Variants in DYNC1I1 observed in about 807,000 individuals in gnomAD.
DYNC1I1 encodes the protein cytoplasmic dynein 1 intermediate chain 1.
A neutral mutation model predicts 86.6 loss-of-function variants in DYNC1I1; 43 were observed. The ratio of observed to expected loss-of-function variants is 0.50; its 90% CI spans 0.39 to 0.64. The LOEUF (loss-of-function observed/expected upper bound fraction) is 0.64. Among genes scored for constraint, DYNC1I1 ranks in the 30% least tolerant of loss-of-function variants. The pLI is 0.00. For synonymous variants in DYNC1I1, 262 were observed against 283.7 expected, an observed-to-expected ratio of 0.92 and a Z score of 0.77; for missense variants, 604 against 788.8, an observed-to-expected ratio of 0.77 and a Z score of 2.81.
chr7:95,861,767 G>A (rs578134879), intron 5 of DYNC1I1, among the ~76,000 whole-genome samples: 2 of 152,292 alleles, frequency 1.3e-5, no homozygotes, highest in South Asian at 2.1e-4. Context: ...CTTGCTAGTG[G>A]TGGAAGTCAT....
intron 14 of DYNC1I1, among the ~76,000 whole-genome samples, chr7:96,047,421 T>G (rs1789251459): frequency 6.6e-6 from 1 of 152,204 alleles, no homozygotes; most frequent in Non-Finnish European, 1.5e-5. Context: ...GAATGCAATC[T>G]TGGACCTGCT....
chr7:95,843,289 G>A (rs1438172439), intron 5 of DYNC1I1, among the ~76,000 whole-genome samples: 2 of 152,152 alleles, frequency 1.3e-5, no homozygotes, highest in African/African-American at 4.8e-5. Flanking sequence ...CTTTTGTGCA[G>A]ATTTCTTCTC....
chr7:95,793,632 G>C (rs1794365269), intron 1 of DYNC1I1, among the ~76,000 whole-genome samples: 1 of 152,206 alleles, frequency 6.6e-6, no homozygotes, highest in Admixed American at 6.5e-5. Flanking sequence ...GTTGCACACA[G>C]AGTCTAAATG....
chr7:95,837,847 C>T (rs1382047645), intron 5 of DYNC1I1, among the ~76,000 whole-genome samples: 1 of 152,386 alleles, frequency 6.6e-6, no homozygotes, highest in Non-Finnish European at 1.5e-5. Flanking sequence ...TGCGCGCACC[C>T]ACTGACCTGC....
intron 6 of DYNC1I1, among the ~76,000 whole-genome samples, chr7:95,895,922 G>A (rs1790871824): frequency 6.6e-6 from 1 of 152,180 alleles, no homozygotes; most frequent in Non-Finnish European, 1.5e-5. Flanking sequence ...CCCTGATGAT[G>A]GACCCTCAGT....
At chr7:96,016,377 G>T (rs1483698799) in intron 10 of DYNC1I1, among the ~76,000 whole-genome samples, 2 of 150,536 alleles carry the variant, frequency 1.3e-5, no homozygotes, top group Admixed American at 1.3e-4. Flanking sequence ...ATGTGGGCTA[G>T]TCCATGACTC....
chr7:96,054,296 TC>T (rs1789505013), intron 14 of DYNC1I1, among the ~76,000 whole-genome samples: 2 of 152,238 alleles, frequency 1.3e-5, no homozygotes, highest in African/African-American at 2.4e-5. Context: ...TTCATCCATG[TC>T]CCTGCAAAGG....
chr7:96,106,861 T>G (rs1433761686), intron 16 of DYNC1I1, among the ~76,000 whole-genome samples: 1 of 152,236 alleles, frequency 6.6e-6, no homozygotes, highest in Non-Finnish European at 1.5e-5. Flanking sequence ...ACTTGCTAAA[T>G]ATTCCATGCG....
In DYNC1I1 at chr7:95,777,840, A is replaced by G. The variant is rs147868340; in HGVS notation, c.-10+5067A>G. Among the ~76,000 whole-genome samples, 69 of 152,228 alleles carry G rather than the reference A, an allele frequency of 4.5e-4. No individual in the cohort carries two copies. The East Asian group carries it at 0.012, about 27-fold the overall frequency. On this transcript the variant is annotated intron_variant, in intron 1 of 16. Transcript: ENST00000447467. ...TATGCTTTAACTCAGTGCTCTTCCA[A>G]CATTTTTTTTTCTCTTTTATAATCC...
intron 6 of DYNC1I1, among the ~76,000 whole-genome samples, chr7:95,939,125 C>T (rs1427346143): frequency 6.6e-6 from 1 of 152,100 alleles, no homozygotes; most frequent in Non-Finnish European, 1.5e-5. Flanking sequence ...GTTTCTTAAT[C>T]CTGAGTTCTA....
chr7:96,006,945 A>G (rs888609880), intron 10 of DYNC1I1, among the ~76,000 whole-genome samples: 3 of 152,216 alleles, frequency 2.0e-5, no homozygotes, highest in African/African-American at 7.2e-5. Flanking sequence ...CTGTGATTCA[A>G]TCATTACACA....
intron 6 of DYNC1I1, among the ~76,000 whole-genome samples, chr7:95,892,249 G>A (rs536220720): frequency 6.6e-6 from 1 of 151,860 alleles, no homozygotes; most frequent in Admixed American, 6.6e-5. Context: ...CAATTCTCCT[G>A]CCTCAGCCTC....
chr7:96,104,645 TTAAA>T (rs2116349781), intron 16 of DYNC1I1, among the ~76,000 whole-genome samples: 1 of 152,276 alleles, frequency 6.6e-6, no homozygotes, highest in Non-Finnish European at 1.5e-5. Context: ...GTTCATTAAA[TTAAA>T]TTAGCATTCT....
chr7:96,039,522 C>T, intron 14 of DYNC1I1, 101 bp downstream of exon 14: 3 of 1,472,244 alleles, frequency 2.0e-6, no homozygotes, highest in Non-Finnish European at 2.8e-6. Context: ...TCCAGGCAAC[C>T]TGGCATTGGG....
intron 1 of DYNC1I1, among the ~76,000 whole-genome samples, chr7:95,800,797 C>T (rs1174691773): frequency 1.3e-5 from 2 of 152,230 alleles, no homozygotes; most frequent in African/African-American, 4.8e-5. Context: ...AGCTTTGACT[C>T]TTATTTTCTT....
intron 5 of DYNC1I1, among the ~76,000 whole-genome samples, chr7:95,844,888 C>T (rs1789385732): frequency 6.6e-6 from 1 of 152,172 alleles, no homozygotes; most frequent in South Asian, 2.1e-4. Context: ...TACATCTTAG[C>T]AGAATTCAGG....
intron 15 of DYNC1I1, among the ~76,000 whole-genome samples, chr7:96,079,286 G>A (rs933529583): frequency 6.6e-6 from 1 of 152,084 alleles, no homozygotes; most frequent in African/African-American, 2.4e-5. Flanking sequence ...TTAGACACAG[G>A]TCTTAAACAG....
At chr7:96,108,745 C>T (rs1791259210) in intron 16 of DYNC1I1, among the ~76,000 whole-genome samples, 1 of 151,588 alleles carries the variant, frequency 6.6e-6, no homozygotes, top group Non-Finnish European at 1.5e-5. Flanking sequence ...GCCTGCAATC[C>T]CAGCTACTCG....
At chr7:96,084,801 A>C (rs1790631055) in intron 16 of DYNC1I1, among the ~76,000 whole-genome samples, 1 of 152,180 alleles carries the variant, frequency 6.6e-6, no homozygotes, top group Admixed American at 6.5e-5. Context: ...GTCAAGGTAC[A>C]TATAGAGCTA....
Sources: allele counts gnomAD v4.1 joint callset (sites outside exome capture counted in the v4.1 genomes callset), GRCh38; gene constraint gnomAD v4.1.1; transcripts MANE v1.5; gene names NCBI Gene and HGNC (gene_info 2026-07-23, HGNC 2026-07-21).